SLC14A2: variants seen among roughly 807,000 people sequenced by gnomAD.
The protein encoded by SLC14A2 is solute carrier family 14 member 2.
A neutral mutation model predicts 104.6 loss-of-function variants in SLC14A2; 91 were observed. The ratio of observed to expected loss-of-function variants is 0.87; its 90% CI spans 0.73 to 1.04. The LOEUF is 1.04. SLC14A2 is among the 50% of genes least tolerant of loss of function. The probability of loss-of-function intolerance (pLI) is 0.00; values close to 1 mark genes in which losing one functional copy is unlikely to be tolerated. For synonymous variants in SLC14A2, 476 were observed against 466.4 expected (o/e 1.02, Z -0.27); for missense variants, 1,189 against 1,156.0 (o/e 1.03, Z -0.41).
chr18:45,311,252 C>T (rs1017246335), intron 1 of SLC14A2, among the ~76,000 whole-genome samples: 5 of 152,276 alleles, frequency 3.3e-5, no homozygotes, highest in Admixed American at 6.5e-5. Flanking sequence ...GAATGCTGAG[C>T]GACATCACTG....
At chr18:45,268,207 C>T (rs2084611915) in intron 1 of SLC14A2, among the ~76,000 whole-genome samples, 1 of 152,022 alleles carries the variant, frequency 6.6e-6, no homozygotes, top group Non-Finnish European at 1.5e-5. Flanking sequence ...TACCAAGTAC[C>T]CGATAAATAT....
chr18:45,611,787 C>T (rs2044975829), upstream of SLC14A2, among the ~76,000 whole-genome samples: 1 of 152,190 alleles, frequency 6.6e-6, no homozygotes, highest in African/African-American at 2.4e-5. Flanking sequence ...GGTACCCTCA[C>T]ATCACTGACC....
At chr18:45,300,122 C>T (rs114094373) in intron 1 of SLC14A2, among the ~76,000 whole-genome samples, 9 of 152,114 alleles carry the variant, frequency 5.9e-5, no homozygotes, top group East Asian at 5.8e-4. Context: ...AAGGCTATCA[C>T]GAGAAAGGAA....
rs1400616185 is a variant in SLC14A2 at position 45,644,085 on chromosome 18, A to G, written c.1276A>G (p.Lys426Glu). The stretch of plus-strand genomic sequence containing the variant: ...AGCCATCTTCAGACTCCCACTCAGC[A>G]AAGTCACCTACCCCGAGGCCAACCG... Reference protein sequence around the residue: ...NPAIFRLPLSKVTYPEANRIY... With the variant: ...NPAIFRLPLSEVTYPEANRIY... The change falls in exon 10 of 20, where the codon AAA (lysine) becomes GAA (glutamate). Residue 426 changes from lysine to glutamate, a missense_variant. Lys to Glu is a moderately conservative substitution (Grantham distance 56, BLOSUM62 1). Transcript: ENST00000255226. The G allele has an allele frequency of 6.2e-7, 1 of 1,614,178 alleles. No individual in the cohort carries two copies. Among genetic ancestry groups the G allele is most frequent in the East Asian group, 2.2e-5 (1 of 44,888 alleles).
chr18:45,399,957 C>T (rs1275251845), intron 1 of SLC14A2, among the ~76,000 whole-genome samples: 1 of 152,246 alleles, frequency 6.6e-6, no homozygotes, highest in East Asian at 1.9e-4. Flanking sequence ...AATGAACTGT[C>T]TTATCACCAC....
rs561877472 is a variant in SLC14A2 at position 45,310,188 on chromosome 18, A to G, written c.-125+96997A>G. ...ACGAACATTGTACTTCTAAGTTCTTATTTCTCTAGGGTTTGCCTAAAAGTA... is the reference window on the plus strand; with the variant it reads ...ACGAACATTGTACTTCTAAGTTCTTGTTTCTCTAGGGTTTGCCTAAAAGTA... On this transcript the variant is annotated intron_variant, in intron 1 of 20. Coordinates refer to the SLC14A2 transcript ENST00000586448. 3.9e-5 allele frequency among the ~76,000 whole-genome samples: 6 copies of G among 152,262 alleles called. No homozygotes were observed. The South Asian group carries it at 1.2e-3, about 32-fold the overall frequency.
chr18:45,582,203 T>G (rs771019231), intron 2 of SLC14A2, among the ~76,000 whole-genome samples: 1 of 152,202 alleles, frequency 6.6e-6, no homozygotes, highest in African/African-American at 2.4e-5. Context: ...GGGTTCACCA[T>G]GGGCACATGG....
chr18:45,401,415 G>A (rs2086094802), intron 1 of SLC14A2, among the ~76,000 whole-genome samples: 1 of 152,100 alleles, frequency 6.6e-6, no homozygotes, highest in Non-Finnish European at 1.5e-5. Flanking sequence ...AACATAGAAA[G>A]TAGCCAAGAA....
chr18:45,455,692 A>T (rs888099558), intron 1 of SLC14A2, among the ~76,000 whole-genome samples: 5 of 152,098 alleles, frequency 3.3e-5, no homozygotes, highest in African/African-American at 1.2e-4. Flanking sequence ...CATTTGCTGC[A>T]TCTTCTGTTT....
chr18:45,478,737 T>G (rs1293525911), intron 1 of SLC14A2, among the ~76,000 whole-genome samples: 1 of 152,060 alleles, frequency 6.6e-6, no homozygotes, highest in Admixed American at 6.6e-5. Flanking sequence ...GTTGTGTGTG[T>G]GGATATGTGT....
intron 1 of SLC14A2, among the ~76,000 whole-genome samples, chr18:45,323,889 T>A (rs1221988635): frequency 6.6e-6 from 1 of 152,222 alleles, no homozygotes; most frequent in South Asian, 2.1e-4. Context: ...CAGGTTTTTC[T>A]TTGGGTTTTC....
At chr18:45,387,521 T>C (rs1418640579) in intron 1 of SLC14A2, among the ~76,000 whole-genome samples, 1 of 152,214 alleles carries the variant, frequency 6.6e-6, no homozygotes, top group Admixed American at 6.5e-5. Flanking sequence ...ACACTATAAA[T>C]CTTTGGTGAA....
chr18:45,596,847 C>T (rs1481662330), intron 2 of SLC14A2, among the ~76,000 whole-genome samples: 1 of 152,198 alleles, frequency 6.6e-6, no homozygotes, highest in Non-Finnish European at 1.5e-5. Flanking sequence ...ACTGTGGCCT[C>T]ACCAAGATGA....
chr18:45,318,220 G>A (rs2085149268), intron 1 of SLC14A2, among the ~76,000 whole-genome samples: 3 of 152,158 alleles, frequency 2.0e-5, no homozygotes, highest in Admixed American at 1.3e-4. Context: ...CAGACACATT[G>A]TGGGGAGGCT....
rs1166136830 is a variant in SLC14A2, at chr18:45,681,044, G to GTT, written c.2563-1239_2563-1238dup. On this transcript the variant is annotated intron_variant, in intron 19 of 19. Coordinates refer to ENST00000255226, the MANE Select transcript of SLC14A2 (RefSeq NM_007163.4). The stretch of plus-strand genomic sequence containing the variant: ...TGTTACTCCCATGGTAGTATCTGAG[G>GTT]TTTTTTTTTTTTTTTTTTTTTTTTT... Among the ~76,000 whole-genome samples, 2 of 5,374 alleles carry GTT rather than the reference G, an allele frequency of 3.7e-4. 1 individual carries two copies. Among genetic ancestry groups the GTT allele is most frequent in the African/African-American group, 4.1e-4 (2 of 4,876 alleles). The allele number at this position is 5,374 out of a possible 152,430, so 3.5% of individuals were successfully genotyped here.
At chr18:45,470,407 C>T (rs2087225393) in intron 1 of SLC14A2, among the ~76,000 whole-genome samples, 1 of 152,070 alleles carries the variant, frequency 6.6e-6, no homozygotes, top group African/African-American at 2.4e-5. Context: ...AATGGAGAAT[C>T]TATTTATTTT....
intron 2 of SLC14A2, among the ~76,000 whole-genome samples, chr18:45,593,253 C>T (rs555982159): frequency 1.3e-5 from 2 of 151,366 alleles, no homozygotes; most frequent in South Asian, 2.1e-4. Context: ...GGAGGCGGAG[C>T]TTGCAGTGAG....
upstream of SLC14A2, among the ~76,000 whole-genome samples, chr18:45,612,481 T>C (rs1905673): frequency 0.72 from 110,282 of 152,166 alleles, 40,457 homozygotes; most frequent in East Asian, 0.85. Context: ...ACTCACAGCA[T>C]AAGCATGAAC....
intron 1 of SLC14A2, among the ~76,000 whole-genome samples, chr18:45,251,655 G>A (rs952439155): frequency 4.6e-5 from 7 of 152,198 alleles, no homozygotes; most frequent in Non-Finnish European, 7.3e-5. Context: ...GTGTCTTCAC[G>A]TGGCCTTCCC....
Sources: allele counts gnomAD v4.1 joint callset (sites outside exome capture counted in the v4.1 genomes callset), GRCh38; gene constraint gnomAD v4.1.1; transcripts MANE v1.5; gene names NCBI Gene and HGNC (gene_info 2026-07-23, HGNC 2026-07-21).